KIAA1671: variants seen among roughly 807,000 people sequenced by gnomAD.
KIAA1671 encodes the protein KIAA1671.
A neutral mutation model predicts 131.2 loss-of-function variants in KIAA1671; 52 were observed. The observed-to-expected ratio is 0.40, with a 90% CI of 0.32 to 0.50. KIAA1671 has a LOEUF of 0.50. Ranked by LOEUF, KIAA1671 falls within the 20% of genes least tolerant of loss-of-function variation. KIAA1671 has a pLI of 0.73. For missense variants in KIAA1671, 2,360 were observed against 2,364.2 expected (o/e 1.00, Z 0.04); for synonymous variants, 1,003 against 961.6 (o/e 1.04, Z -0.80).
chr22:25,040,829 T>G lies in KIAA1671; in HGVS notation c.3699T>G (p.Pro1233=). 6.4e-7 allele frequency: 1 copy of G among 1,551,500 alleles called. No individual in the cohort carries two copies. The highest frequency in any genetic ancestry group is 8.7e-7 in the Non-Finnish European group (1 of 1,146,870). The change falls in exon 5 of 13, where the codon CCT becomes CCG. Residue 1233 remains proline, a synonymous_variant. Coordinates refer to ENST00000358431, the MANE Select transcript of KIAA1671 (RefSeq NM_001145206.2). ...RSPTVEPSTL[P]RERPVQLGGV... is the part of the protein sequence containing the mutation. Reference sequence around the variant, plus strand: ...CCACCGTGGAGCCCAGTACGTTGCCTCGGGAGAGGCCTGTTCAGCTGGGCG... The same window carrying G: ...CCACCGTGGAGCCCAGTACGTTGCCGCGGGAGAGGCCTGTTCAGCTGGGCG...
intron 1 of KIAA1671, among the ~76,000 whole-genome samples, chr22:24,998,922 A>G (rs1924287433): frequency 6.6e-6 from 1 of 151,844 alleles, no homozygotes; most frequent in South Asian, 2.1e-4. Context: ...GCTGATGGAC[A>G]TTTGAGTGGT....
intron 3 of KIAA1671, among the ~76,000 whole-genome samples, chr22:25,030,724 G>A (rs1312576532): frequency 2.0e-5 from 3 of 152,302 alleles, no homozygotes; most frequent in Middle Eastern, 3.4e-3. Context: ...GCCCACTTCC[G>A]ACATCTCTTC....
At chr22:25,120,451 G>A (rs1404843533) in intron 6 of KIAA1671, among the ~76,000 whole-genome samples, 1 of 152,228 alleles carries the variant, frequency 6.6e-6, no homozygotes, top group Non-Finnish European at 1.5e-5. Context: ...CTGGGCCAAA[G>A]TCTGGGTCTC....
chr22:25,019,727 A>G (rs933328318), intron 1 of KIAA1671, among the ~76,000 whole-genome samples: 2 of 151,826 alleles, frequency 1.3e-5, no homozygotes, highest in Admixed American at 6.6e-5. Context: ...CAATTATCCT[A>G]AGTGCTTCCA....
chr22:25,144,264 C>T (rs1286621539), intron 6 of KIAA1671, among the ~76,000 whole-genome samples: 1 of 152,166 alleles, frequency 6.6e-6, no homozygotes, highest in Non-Finnish European at 1.5e-5. Context: ...TTGGCACTGC[C>T]TCTATCTTCT....
chr22:25,000,182 C>CGG (rs1924364686), intron 1 of KIAA1671, among the ~76,000 whole-genome samples: 1 of 105,014 alleles, frequency 9.5e-6, no homozygotes, highest in African/African-American at 4.4e-5. Flanking sequence ...TGCTCCTCGC[C>CGG]TGTTTTTTTT....
At chr22:25,189,141 T>C (rs564506302) in intron 11 of KIAA1671, among the ~76,000 whole-genome samples, 1 of 149,386 alleles carries the variant, frequency 6.7e-6, no homozygotes, top group Non-Finnish European at 1.5e-5. Context: ...TTTTTTTTTT[T>C]TTTTGTTTTG....
intron 6 of KIAA1671, among the ~76,000 whole-genome samples, chr22:25,167,550 C>T (rs1402467846): frequency 1.3e-5 from 2 of 152,170 alleles, no homozygotes; most frequent in Non-Finnish European, 2.9e-5. Flanking sequence ...CCGGGCAGGA[C>T]TATGAGAGAA....
intron 6 of KIAA1671, among the ~76,000 whole-genome samples, chr22:25,082,920 T>C (rs1431787233): frequency 6.6e-6 from 1 of 152,230 alleles, no homozygotes; most frequent in East Asian, 1.9e-4. Flanking sequence ...TTCATATTGT[T>C]TTAATATTTC....
chr22:25,102,628 A>G (rs532435520), intron 6 of KIAA1671: 1 of 152,230 alleles, frequency 6.6e-6, no homozygotes, highest in Admixed American at 6.5e-5. Context: ...TTTTTAGTTG[A>G]GATGGGGTTT....
At position 25,049,282 on chromosome 22, in the gene KIAA1671, C is replaced by T. The variant is rs773899261; in HGVS notation, c.4448C>T (p.Pro1483Leu). 4.1e-5 allele frequency: 64 copies of T among 1,551,770 alleles called. No individual in the cohort carries two copies. The highest frequency in any genetic ancestry group is 5.0e-5 in the Non-Finnish European group (57 of 1,147,006). Residue 1483 changes from proline (P) to leucine (L), a missense_variant, in exon 6 of 13, where the codon CCG becomes CTG. This residue lies in a region of KIAA1671 where 1,161 missense variants were observed against 1,204.7 expected (regional missense o/e 0.96). Transcript: ENST00000358431. ...GATGCCCCCCAGGAGAAGGAGCGAC[C>T]GCTCCAGCAGGTGTCCCCTGTGGCC... ...KEDAPQEKER[P>L]LQQVSPVASV...
rs59935051 is a variant in KIAA1671 at position 24,988,280 on chromosome 22, C to CAA, written c.-208+35524_-208+35525dup. ...GGGCAACAAGAGTGAAACTCCATCT[C>CAA]AAAAAAAAAAAAAAAAAGACTCCTG... On this transcript the variant is annotated intron_variant, in intron 1 of 12. Transcript: ENST00000358431. Among the ~76,000 whole-genome samples, 372 of 89,292 alleles carry CAA rather than the reference C, an allele frequency of 4.2e-3. 1 individual carries two copies. Among genetic ancestry groups the CAA allele is most frequent in the African/African-American group, 0.011 (309 of 27,102 alleles). The allele number at this position is 89,292 out of a possible 152,430, so 58.6% of individuals were successfully genotyped here.
At chr22:24,997,334 G>A (rs1022182411) in intron 1 of KIAA1671, among the ~76,000 whole-genome samples, 14 of 152,248 alleles carry the variant, frequency 9.2e-5, no homozygotes, top group African/African-American at 3.4e-4. Flanking sequence ...GAGTACTGAT[G>A]TCACTCAGGA....
chr22:25,146,951 A>T (rs1378266219), intron 6 of KIAA1671, among the ~76,000 whole-genome samples: 2 of 152,022 alleles, frequency 1.3e-5, no homozygotes, highest in East Asian at 3.9e-4. Context: ...TCCATCCTGC[A>T]GGGTTGGAGC....
chr22:25,028,458 C>A lies in KIAA1671; in HGVS notation c.459C>A (p.Gly153=). 1.3e-6 allele frequency: 2 copies of A among 1,550,508 alleles called. No individual in the cohort carries two copies. Among genetic ancestry groups the A allele is most frequent in the Non-Finnish European group, 1.7e-6 (2 of 1,146,566 alleles). ...TMILFETTKS[G]PALGKAVSEG... ...TTCTCTTCGAAACCACCAAAAGCGGCCCCGCTCTGGGGAAGGCGGTTAGTG... is the reference window on the plus strand; with the variant it reads ...TTCTCTTCGAAACCACCAAAAGCGGACCCGCTCTGGGGAAGGCGGTTAGTG... Residue 153 remains glycine (G), a synonymous_variant, in exon 3 of 13, where the codon GGC becomes GGA. Transcript: ENST00000358431.
intron 6 of KIAA1671, among the ~76,000 whole-genome samples, chr22:25,120,599 T>TC (rs1408555829): frequency 6.6e-6 from 1 of 152,188 alleles, no homozygotes; most frequent in East Asian, 1.9e-4. Flanking sequence ...TACGGTGTGC[T>TC]CAATGTATTC....
intron 6 of KIAA1671, among the ~76,000 whole-genome samples, chr22:25,159,064 G>T (rs1933345308): frequency 6.6e-6 from 1 of 152,138 alleles, no homozygotes; most frequent in Non-Finnish European, 1.5e-5. Context: ...TGCCCACTGG[G>T]CTTCTTGGGT....
intron 1 of KIAA1671, among the ~76,000 whole-genome samples, chr22:24,983,601 G>A (rs1322068358): frequency 2.0e-5 from 3 of 150,588 alleles, no homozygotes; most frequent in African/African-American, 7.4e-5. Flanking sequence ...AAGGATGTGT[G>A]TATGGTGGGG....
intron 1 of KIAA1671, among the ~76,000 whole-genome samples, chr22:24,970,349 G>C (rs1158719801): frequency 1.3e-5 from 2 of 152,230 alleles, no homozygotes; most frequent in Non-Finnish European, 2.9e-5. Context: ...AAGGGCTGGG[G>C]GAGCCATAGG....
Sources: allele counts gnomAD v4.1 joint callset (sites outside exome capture counted in the v4.1 genomes callset), GRCh38; gene constraint gnomAD v4.1.1; regional missense constraint gnomAD v4.1.1; transcripts MANE v1.5; gene names NCBI Gene and HGNC (gene_info 2026-07-23, HGNC 2026-07-21).